ADGB: variants seen among roughly 807,000 people sequenced by gnomAD.
The protein encoded by ADGB is androglobin, also known as calpain-7-like protein.
ADGB carries 172 observed loss-of-function variants against 210.5 expected under a neutral mutation model. The observed-to-expected ratio is 0.82, with a 90% CI of 0.72 to 0.93. ADGB has a LOEUF of 0.93. Among genes scored for constraint, ADGB ranks in the 40% least tolerant of loss-of-function variants. ADGB has a pLI of 0.00. For missense variants in ADGB, 2,025 were observed against 1,964.8 expected (o/e 1.03, Z -0.58); for synonymous variants, 658 against 662.7 (o/e 0.99, Z 0.11).
At chr6:146,799,490 C>T (rs531355832) in intron 33 of ADGB, among the ~76,000 whole-genome samples, 9 of 143,664 alleles carry the variant, frequency 6.3e-5, no homozygotes, top group East Asian at 2.2e-4. Context: ...GCCAAGATCG[C>T]GCCACTGCAC....
In ADGB at chr6:146,782,134, A is replaced by T. The variant is rs1777810353; in HGVS notation, c.3977A>T (p.Lys1326Met). Residue 1326 changes from lysine (K) to methionine (M), a missense_variant, in exon 30 of 36, where the codon AAG (lysine) becomes ATG (methionine). Transcript: ENST00000397944. ...AAAACAACAAGGAAAGGCAAAGAAA[A>T]GTCTTCTGAGAAAGAAAAGACAGCC... The part of the protein sequence containing the change: ...TSKTTRKGKE[K>M]SSEKEKTAKE... 6.5e-7 allele frequency: 1 copy of T among 1,547,930 alleles called. No homozygotes were observed. The highest frequency in any genetic ancestry group is 2.5e-5 in the East Asian group (1 of 40,780).
intron 13 of ADGB, among the ~76,000 whole-genome samples, chr6:146,704,785 T>C (rs991745375): frequency 6.6e-6 from 1 of 152,044 alleles, no homozygotes; most frequent in Admixed American, 6.6e-5. Context: ...GATTTTAGGA[T>C]GTTTTTAATA....
chr6:146,771,040 C>T (rs1777643452), intron 29 of ADGB, among the ~76,000 whole-genome samples: 1 of 152,098 alleles, frequency 6.6e-6, no homozygotes, highest in Non-Finnish European at 1.5e-5. Context: ...TTCTTGCCTA[C>T]TAGAAGAGAA....
chr6:146,666,742 G>T, intron 6 of ADGB, 74 bp from the exon 7 acceptor site: 1 of 870,884 alleles, frequency 1.1e-6, no homozygotes, highest in East Asian at 2.7e-5. Flanking sequence ...GTTTATTAAT[G>T]ATTCCTAGTT....
intron 1 of ADGB, among the ~76,000 whole-genome samples, chr6:146,620,869 T>C (rs1780880195): frequency 2.6e-5 from 4 of 152,078 alleles, no homozygotes; most frequent in Admixed American, 1.3e-4. Context: ...TCGCAACTCT[T>C]ATGTTGATTC....
intron 32 of ADGB, among the ~76,000 whole-genome samples, chr6:146,786,164 AG>A (rs1168355315): frequency 4.0e-3 from 163 of 40,878 alleles, no homozygotes; most frequent in Middle Eastern, 0.037. Flanking sequence ...TATTTAAGTT[AG>A]TATATATATA....
At chr6:146,649,839 T>C (rs1775673707) in intron 3 of ADGB, among the ~76,000 whole-genome samples, 1 of 152,186 alleles carries the variant, frequency 6.6e-6, no homozygotes, top group African/African-American at 2.4e-5. Context: ...CAAAGATTTA[T>C]ATGAACTTGA....
At chr6:146,647,366 T>A (rs1775634116) in intron 3 of ADGB, among the ~76,000 whole-genome samples, 1 of 152,032 alleles carries the variant, frequency 6.6e-6, no homozygotes. Context: ...GAAATCTTTT[T>A]TAGTGTGACT....
intron 35 of ADGB, among the ~76,000 whole-genome samples, chr6:146,811,998 C>CT (rs1487193989): frequency 6.6e-6 from 1 of 152,124 alleles, no homozygotes; most frequent in Non-Finnish European, 1.5e-5. Flanking sequence ...AACTATTACT[C>CT]TTTAAGCTTT....
chr6:146,624,749 G>A (rs1780948925), intron 1 of ADGB, among the ~76,000 whole-genome samples: 1 of 151,474 alleles, frequency 6.6e-6, no homozygotes, highest in Non-Finnish European at 1.5e-5. Flanking sequence ...TACTGTAGTG[G>A]CATTCCACAA....
At chr6:146,732,941 A>G (rs937485753) in intron 20 of ADGB, among the ~76,000 whole-genome samples, 179 bp from the exon 21 acceptor site, 1 of 152,190 alleles carries the variant, frequency 6.6e-6, no homozygotes. Flanking sequence ...AGAAATAATC[A>G]AATGATAATT....
chr6:146,615,141 C>T (rs987904730), intron 1 of ADGB, among the ~76,000 whole-genome samples: 3 of 151,834 alleles, frequency 2.0e-5, no homozygotes, highest in African/African-American at 7.3e-5. Flanking sequence ...CTCCTGACCT[C>T]GTGATCCCCC....
At chr6:146,715,453 C>CA in intron 14 of ADGB, 38 bp downstream of exon 14, 1 of 1,404,532 alleles carries the variant, frequency 7.1e-7, no homozygotes. Flanking sequence ...TTTCAATGTA[C>CA]ATCAAGATAC....
intron 27 of ADGB, among the ~76,000 whole-genome samples, chr6:146,757,873 A>AC (rs1768572369): frequency 6.6e-6 from 1 of 152,022 alleles, no homozygotes; most frequent in South Asian, 2.1e-4. Context: ...TGTTATCATA[A>AC]CCCAGGGATA....
At chr6:146,688,278 G>C (rs1776259726) in intron 10 of ADGB, among the ~76,000 whole-genome samples, 5 of 151,318 alleles carry the variant, frequency 3.3e-5, no homozygotes, top group Admixed American at 1.3e-4. Context: ...TGAACATATG[G>C]TTAAATGAAT....
At chr6:146,718,166 G>A (rs560708777) in intron 16 of ADGB, among the ~76,000 whole-genome samples, 2 of 152,084 alleles carry the variant, frequency 1.3e-5, no homozygotes, top group East Asian at 3.9e-4. Flanking sequence ...GACCAACATG[G>A]TGAAACCCCA....
chr6:146,624,917 C>G (rs887346729), intron 1 of ADGB, among the ~76,000 whole-genome samples: 2 of 151,832 alleles, frequency 1.3e-5, no homozygotes, highest in Non-Finnish European at 2.9e-5. Flanking sequence ...GTATAAATCT[C>G]TTTGGTCAGA....
chr6:146,805,512 C>T (rs2114669987), intron 35 of ADGB, among the ~76,000 whole-genome samples: 1 of 152,334 alleles, frequency 6.6e-6, no homozygotes, highest in East Asian at 1.9e-4. Flanking sequence ...AATTATTTCA[C>T]TTCCCTAATG....
Position 146,733,946 on chromosome 6 carries a change from G to T in ADGB, c.2710G>T (p.Ala904Ser). 1.9e-6 allele frequency: 3 copies of T among 1,551,678 alleles called. No individual in the cohort carries two copies. Among genetic ancestry groups the T allele is most frequent in the Non-Finnish European group, 2.6e-6 (3 of 1,146,972 alleles). ...CMPTSDKEYS[A>S]EEVAAAIKIQ... is the part of the protein sequence containing the mutation. ...GCCCACAAGTGATAAAGAGTATTCT[G>T]CTGAGGAAGTAGCAGCAGCAATTAA... The change falls in exon 22 of 36, where the codon GCT (alanine) becomes TCT (serine). Residue 904 changes from alanine (A) to serine (S), a missense_variant. Ala to Ser is a moderately conservative substitution (Grantham distance 99). Transcript: ENST00000397944.
Sources: gnomAD v4.1 joint callset for allele counts (sites outside exome capture counted in the v4.1 genomes callset) on GRCh38, gnomAD v4.1.1 for gene constraint, MANE v1.5 for transcripts, NCBI Gene and HGNC (gene_info 2026-07-23, HGNC 2026-07-21) for gene names.